Variants in HMCN1 observed in about 807,000 individuals in gnomAD.
The protein encoded by HMCN1 is hemicentin 1.
Under a neutral mutation model 625.9 loss-of-function variants are expected in HMCN1, and 321 were observed. The ratio of observed to expected loss-of-function variants is 0.51; its 90% CI spans 0.47 to 0.56. HMCN1 has a LOEUF of 0.56. HMCN1 is among the 20% of genes least tolerant of loss of function. The pLI is 0.00. For synonymous variants in HMCN1, 2,425 were observed against 2,417.6 expected (o/e 1.00, Z -0.09); for missense variants, 6,588 against 6,887.3 (o/e 0.96, Z 1.54).
At chr1:186,188,466 T>C (rs1282892656) in intron 106 of HMCN1, among the ~76,000 whole-genome samples, 2 of 152,218 alleles carry the variant, frequency 1.3e-5, no homozygotes, top group African/African-American at 4.8e-5. Context: ...GTCAGTTGTC[T>C]GCCCGTTCAT....
rs1213531203 is a variant in HMCN1 at position 186,041,090 on chromosome 1, G to T, written c.6258G>T (p.Val2086=). The change falls in exon 40 of 107, where the codon GTG becomes GTT. Residue 2086 remains valine (V), a synonymous_variant. Coordinates refer to ENST00000271588, the MANE Select transcript of HMCN1 (RefSeq NM_031935.3). ...SDTGRYTCVA[V]NAAGEKQRDI... Reference sequence around the variant, plus strand: ...CAGGAAGGTACACCTGCGTGGCAGTGAATGCTGCTGGAGAAAAGCAAAGGG... The same window carrying T: ...CAGGAAGGTACACCTGCGTGGCAGTTAATGCTGCTGGAGAAAAGCAAAGGG... The T allele has an allele frequency of 3.1e-6, 5 of 1,612,834 alleles. No homozygotes were observed. The highest frequency in any genetic ancestry group is 4.2e-6 in the Non-Finnish European group (5 of 1,179,176).
At chr1:185,890,312 C>T (rs1489305116) in intron 4 of HMCN1, among the ~76,000 whole-genome samples, 1 of 148,242 alleles carries the variant, frequency 6.7e-6, no homozygotes, top group South Asian at 2.1e-4. Flanking sequence ...CAATTTCCTT[C>T]AGTTCTGCTC....
At chr1:185,798,891 T>C (rs189310809) in intron 1 of HMCN1, among the ~76,000 whole-genome samples, 157 of 152,276 alleles carry the variant, frequency 1.0e-3, no homozygotes, top group African/African-American at 3.6e-3. Context: ...GAATTTTATT[T>C]TGATTAGGAC....
intron 35 of HMCN1, among the ~76,000 whole-genome samples, chr1:186,021,174 C>G (rs1654695706): frequency 6.6e-6 from 1 of 151,916 alleles, no homozygotes; most frequent in Non-Finnish European, 1.5e-5. Flanking sequence ...AGTTAAATCA[C>G]TGGGGGTTGA....
At position 186,166,900 on chromosome 1, in the gene HMCN1, G is replaced by A. The variant is rs1310129061; in HGVS notation, c.15532G>A (p.Gly5178Arg). 6.2e-7 allele frequency: 1 copy of A among 1,614,016 alleles called. No individual in the cohort carries two copies. Among genetic ancestry groups the A allele is most frequent in the East Asian group, 2.2e-5 (1 of 44,884 alleles). Residue 5178 changes from glycine (G) to arginine (R), a missense_variant, in exon 100 of 107, where the codon GGA (glycine) becomes AGA (arginine). By Grantham distance (125) the Gly-to-Arg change is moderately radical (BLOSUM62 -2). Coordinates refer to ENST00000271588, the MANE Select transcript of HMCN1 (RefSeq NM_031935.3). ...IGSYRCVVRC[G>R]SGFRRTSDGL... is the part of the protein sequence containing the mutation. ...ATCTTATCGCTGTGTGGTCCGTTGT[G>A]GAAGTGGCTTTCGAAGAACCTCTGA... is the stretch of plus-strand genomic sequence containing the variant.
At position 185,928,680 on chromosome 1, in the gene HMCN1, A is replaced by T; in HGVS notation, c.1552+13A>T. On this transcript the variant is annotated intron_variant, in intron 10 of 106. Coordinates refer to ENST00000271588, the MANE Select transcript of HMCN1 (RefSeq NM_031935.3). ...TTTGACGTATCAGGTAATTACCACT[A>T]ATTTCTTTGCAGTTGCCCAAGTATT... 1 of 1,612,708 alleles carries T rather than the reference A, an allele frequency of 6.2e-7. No homozygotes were observed. Among genetic ancestry groups the T allele is most frequent in the Non-Finnish European group, 8.5e-7 (1 of 1,178,924 alleles).
intron 1 of HMCN1, among the ~76,000 whole-genome samples, chr1:185,831,039 T>C (rs1368278244): frequency 1.3e-5 from 2 of 152,180 alleles, no homozygotes; most frequent in Admixed American, 6.5e-5. Flanking sequence ...ACATTTAAAC[T>C]CTTTCAGGGA....
chr1:186,153,388 A>C (rs993949974), intron 96 of HMCN1, among the ~76,000 whole-genome samples: 10 of 152,142 alleles, frequency 6.6e-5, no homozygotes, highest in African/African-American at 1.9e-4. Flanking sequence ...ACATTTTCTC[A>C]TGAAGGAGGC....
At chr1:185,904,319 C>T (rs1665976173) in intron 4 of HMCN1, among the ~76,000 whole-genome samples, 1 of 151,756 alleles carries the variant, frequency 6.6e-6, no homozygotes, top group African/African-American at 2.4e-5. Context: ...TAAAGCCTGC[C>T]ATTGCTATAA....
rs1274574953 is a variant in HMCN1 at position 186,144,413 on chromosome 1, C to T, written c.14095+70C>T. On this transcript the variant is annotated intron_variant, in intron 90 of 106. Coordinates refer to ENST00000271588, the MANE Select transcript of HMCN1 (RefSeq NM_031935.3). The stretch of plus-strand genomic sequence containing the variant: ...CTATCTTATCTAGGTAGTATGTCAA[C>T]AAGAATCTATCCCATTCTAACTGTG... 3 of 1,598,708 alleles carry T rather than the reference C, an allele frequency of 1.9e-6. No individual in the cohort carries two copies. In the African/African-American group the frequency reaches 4.0e-5, roughly 21 times the overall value.
chr1:185,797,042 C>T (rs1287530361), intron 1 of HMCN1, among the ~76,000 whole-genome samples: 1 of 152,126 alleles, frequency 6.6e-6, no homozygotes, highest in Non-Finnish European at 1.5e-5. Flanking sequence ...ATCATTCTTA[C>T]TGGTGTAAGA....
intron 38 of HMCN1, among the ~76,000 whole-genome samples, 164 bp downstream of exon 38, chr1:186,039,169 C>T (rs1656033032): frequency 6.6e-6 from 1 of 152,128 alleles, no homozygotes; most frequent in Non-Finnish European, 1.5e-5. Context: ...TTCCTGATTC[C>T]TATTAAAATG....
In HMCN1 at chr1:186,151,597, T is replaced by C; in HGVS notation, c.14759-9T>C. 1 of 1,610,266 alleles carries C rather than the reference T, an allele frequency of 6.2e-7. No individual in the cohort carries two copies. Among genetic ancestry groups the C allele is most frequent in the Non-Finnish European group, 8.5e-7 (1 of 1,177,520 alleles). Reference sequence around the variant, plus strand: ...TGCTATCACCTTATTTATCCTTTTTTTTCTTTAGGTTCAGCAATGAGAAAG... The same window carrying C: ...TGCTATCACCTTATTTATCCTTTTTCTTCTTTAGGTTCAGCAATGAGAAAG... On this transcript the variant is annotated splice_polypyrimidine_tract_variant and intron_variant, in intron 94 of 106. Transcript: ENST00000271588.
intron 97 of HMCN1, among the ~76,000 whole-genome samples, chr1:186,156,609 A>G (rs1558266252): frequency 6.6e-6 from 1 of 152,178 alleles, no homozygotes; most frequent in Non-Finnish European, 1.5e-5. Context: ...ATAGCCTTTC[A>G]AATGTTCATA....
chr1:185,909,548 C>A (rs1260609884), intron 5 of HMCN1, 40 bp downstream of exon 5: 3 of 1,533,634 alleles, frequency 2.0e-6, no homozygotes, highest in Non-Finnish European at 2.7e-6. Context: ...ATACAAAATA[C>A]ATAGAGGGTA....
At chr1:186,111,762 C>T (rs953109999) in intron 71 of HMCN1, among the ~76,000 whole-genome samples, 2 of 152,214 alleles carry the variant, frequency 1.3e-5, no homozygotes, top group South Asian at 2.1e-4. Context: ...TAAGAAATCA[C>T]TTATTCTCAT....
rs755933561 is a variant in HMCN1 at position 185,981,046 on chromosome 1, G to A, written c.2635G>A (p.Glu879Lys). ...AAACCAGTTTGGAAAGATCCAGTCA[G>A]AGACAACAGTAACAGTGACCGGACT... is the stretch of plus-strand genomic sequence containing the variant. ...AENQFGKIQS[E>K]TTVTVTGLVA... The change falls in exon 17 of 107, where the codon GAG becomes AAG. Residue 879 changes from glutamate to lysine, a missense_variant. Transcript: ENST00000271588. 6.2e-7 allele frequency: 1 copy of A among 1,610,156 alleles called. No individual in the cohort carries two copies. Among genetic ancestry groups the A allele is most frequent in the Non-Finnish European group, 8.5e-7 (1 of 1,176,492 alleles).
chr1:186,063,952 A>G (rs1657943508), intron 48 of HMCN1, among the ~76,000 whole-genome samples: 1 of 152,136 alleles, frequency 6.6e-6, no homozygotes, highest in African/African-American at 2.4e-5. Context: ...GTAGCCCATA[A>G]CATTTTATGG....
In HMCN1 at chr1:186,039,713, A is replaced by ATTTGTTT; in HGVS notation, c.6029-11_6029-5dup. On this transcript the variant is annotated splice_polypyrimidine_tract_variant and intron_variant, in intron 38 of 106. Transcript: ENST00000271588. ...TGTGATATTAACGTGTCTTACTTTC[A>ATTTGTTT]TTTGTTTTTTTCAGTGGCCCCATCA... is the stretch of plus-strand genomic sequence containing the variant. 1 of 1,612,776 alleles carries ATTTGTTT rather than the reference A, an allele frequency of 6.2e-7. No individual in the cohort carries two copies. The highest frequency in any genetic ancestry group is 1.3e-5 in the African/African-American group (1 of 74,956).
Sources: gnomAD v4.1 joint callset for allele counts (sites outside exome capture counted in the v4.1 genomes callset) on GRCh38, gnomAD v4.1.1 for gene constraint, MANE v1.5 for transcripts, NCBI Gene and HGNC (gene_info 2026-07-23, HGNC 2026-07-21) for gene names.